The following NLRP4 variants were observed in gnomAD, a reference collection of about 807,000 sequenced individuals.
NLRP4 encodes the protein NLR family pyrin domain containing 4, also known as NACHT, LRR and PYD domains-containing protein 4.
In NLRP4, 44 loss-of-function variants were observed where a neutral mutation model predicts 84.7. That is an observed-to-expected ratio of 0.52 (90% CI 0.41 to 0.67). The LOEUF is 0.67. Among genes scored for constraint, NLRP4 ranks in the 30% least tolerant of loss-of-function variants. The pLI is 0.00. For synonymous variants in NLRP4, 544 were observed against 476.4 expected (o/e 1.14, Z -1.85); for missense variants, 1,260 against 1,219.4 (o/e 1.03, Z -0.50).
intron 1 of NLRP4, among the ~76,000 whole-genome samples, chr19:55,844,774 C>T (rs973093176): frequency 6.6e-6 from 1 of 152,136 alleles, no homozygotes; most frequent in African/African-American, 2.4e-5. Flanking sequence ...TTTTCAAAAA[C>T]TTCATACTTC....
chr19:55,853,668 C>T (rs531326218), intron 2 of NLRP4, among the ~76,000 whole-genome samples: 1 of 152,230 alleles, frequency 6.6e-6, no homozygotes, highest in South Asian at 2.1e-4. Context: ...CCTTGGCCTC[C>T]CAAAGTGCTG....
At chr19:55,861,319 T>G in intron 3 of NLRP4, 67 bp from the exon 4 acceptor site, 1 of 1,345,190 alleles carries the variant, frequency 7.4e-7, no homozygotes. Context: ...GCGTAGTGCG[T>G]ATATGTGTTA....
chr19:55,851,918 C>G, intron 1 of NLRP4, 98 bp from the exon 2 acceptor site: 1 of 588,912 alleles, frequency 1.7e-6, no homozygotes, highest in Non-Finnish European at 2.9e-6. Flanking sequence ...AACTTTCCGC[C>G]TTCATTGCCA....
In NLRP4 at chr19:55,858,746, C is replaced by T. The variant is rs1984580550; in HGVS notation, c.1353C>T (p.Leu451=). The T allele has an allele frequency of 6.2e-7, 1 of 1,613,990 alleles. No homozygotes were observed. Among genetic ancestry groups the T allele is most frequent in the Non-Finnish European group, 8.5e-7 (1 of 1,179,978 alleles). Residue 451 remains leucine (L), a synonymous_variant, in exon 3 of 10, where the codon CTC becomes CTT. Coordinates refer to ENST00000301295, the MANE Select transcript of NLRP4 (RefSeq NM_134444.5). This position sits in a 1 kb window ranked among gnomAD's most constrained non-coding sequence, Gnocchi z 4.2. The stretch of plus-strand genomic sequence containing the variant: ...AGCGTGAGAGCTCCTACGTGTTCCT[C>T]CACGTGTGTATCCAGGAGTTCTGTG... ...YGERESSYVF[L]HVCIQEFCAA...
At chr19:55,849,898 CG>C in intron 1 of NLRP4, among the ~76,000 whole-genome samples, 1 of 116,518 alleles carries the variant, frequency 8.6e-6, no homozygotes, top group Admixed American at 9.3e-5. Context: ...CCGTGGCCGG[CG>C]GTGTAATTTC....
chr19:55,858,731 C>T lies in NLRP4; in HGVS notation c.1338C>T (p.Ser446=), dbSNP rs781404358. Reference sequence around the variant, plus strand: ...TTCTGAAGTACGGGGAGCGTGAGAGCTCCTACGTGTTCCTCCACGTGTGTA... The same window carrying T: ...TTCTGAAGTACGGGGAGCGTGAGAGTTCCTACGTGTTCCTCCACGTGTGTA... ...KILLKYGERE[S]SYVFLHVCIQ... Residue 446 remains serine (S), a synonymous_variant, in exon 3 of 10, where the codon AGC becomes AGT. Coordinates refer to ENST00000301295, the MANE Select transcript of NLRP4 (RefSeq NM_134444.5). The surrounding 1 kb of genome is among the most constrained non-coding windows in gnomAD (Gnocchi z 4.2). 6 of 1,613,996 alleles carry T rather than the reference C, an allele frequency of 3.7e-6. No homozygotes were observed. Among genetic ancestry groups the T allele is most frequent in the Non-Finnish European group, 5.1e-6 (6 of 1,180,002 alleles).
In NLRP4 at chr19:55,858,159, C is replaced by T. The variant is rs1600229972; in HGVS notation, c.766C>T (p.Pro256Ser). The T allele has an allele frequency of 6.2e-7, 1 of 1,614,112 alleles. No individual in the cohort carries two copies. Among genetic ancestry groups the T allele is most frequent in the South Asian group, 1.1e-5 (1 of 91,072 alleles). The change falls in exon 3 of 10, where the codon CCG becomes TCG. Residue 256 changes from proline (P) to serine (S), a missense_variant. Pro to Ser is a moderately conservative substitution (Grantham distance 74). Coordinates refer to ENST00000301295, the MANE Select transcript of NLRP4 (RefSeq NM_134444.5). The surrounding 1 kb of genome is among the most constrained non-coding windows in gnomAD (Gnocchi z 4.2). The stretch of plus-strand genomic sequence containing the variant: ...GTGTGGTGACTTGATGGAGAAACGG[C>T]CGGTGCAGGTGCTTCTGAGCAGTTT... ...DLCGDLMEKR[P>S]VQVLLSSLLR...
Position 55,852,140 on chromosome 19 carries a change from G to GGA in NLRP4, c.62_63dup (p.Glu22ArgfsTer13), listed in dbSNP as rs1308441309. 6.2e-7 allele frequency: 1 copy of GGA among 1,607,470 alleles called. No homozygotes were observed. Among genetic ancestry groups the GGA allele is most frequent in the East Asian group, 2.2e-5 (1 of 44,784 alleles). On this transcript the variant is annotated frameshift_variant, in exon 2 of 10. Transcript: ENST00000301295. LOFTEE classifies it high-confidence loss of function. ...TGTGGTATCTGGAGGAGCTCAAAAA[G>GGA]GAGGAGTTCAGGAAATTTAAAGAAC... is the stretch of plus-strand genomic sequence containing the variant.
intron 1 of NLRP4, among the ~76,000 whole-genome samples, chr19:55,839,976 G>C (rs1983544640): frequency 1.3e-5 from 2 of 152,190 alleles, no homozygotes; most frequent in South Asian, 4.1e-4. Flanking sequence ...TTAGAAGTAT[G>C]TTTCTTAATT....
At chr19:55,866,568 A>G (rs1984963331) in intron 5 of NLRP4, among the ~76,000 whole-genome samples, 2 of 152,206 alleles carry the variant, frequency 1.3e-5, no homozygotes, top group South Asian at 4.1e-4. Flanking sequence ...TAAACCACAC[A>G]GTTGTGAGGC....
intron 1 of NLRP4, among the ~76,000 whole-genome samples, chr19:55,842,967 G>C (rs1175153196): frequency 6.6e-6 from 1 of 151,032 alleles, no homozygotes; most frequent in African/African-American, 2.4e-5. Flanking sequence ...CACCGTGTTA[G>C]CCAGGATGGT....
At chr19:55,856,482 G>A (rs182101247) in intron 2 of NLRP4, among the ~76,000 whole-genome samples, 50 of 150,744 alleles carry the variant, frequency 3.3e-4, no homozygotes, top group Non-Finnish European at 6.2e-4. Flanking sequence ...TGTGGGATGC[G>A]TAGGGCTTGG....
intron 2 of NLRP4, among the ~76,000 whole-genome samples, chr19:55,856,724 C>G (rs1169197123): frequency 1.3e-5 from 2 of 151,994 alleles, no homozygotes; most frequent in African/African-American, 2.4e-5. Context: ...CCATGTTGGC[C>G]AGGATGGTCT....
intron 7 of NLRP4, among the ~76,000 whole-genome samples, chr19:55,875,657 T>A (rs1442699034): frequency 6.6e-6 from 1 of 152,170 alleles, no homozygotes; most frequent in Admixed American, 6.5e-5. Context: ...GTTTGGTGAT[T>A]GAGTTGAACT....
In NLRP4 at chr19:55,858,129, G is replaced by T. The variant is rs746901834; in HGVS notation, c.736G>T (p.Asp246Tyr). Reference sequence around the variant, plus strand: ...GGGCGGCTTGAACGAACCCGATTCGGATCTGTGTGGTGACTTGATGGAGAA... The same window carrying T: ...GGGCGGCTTGAACGAACCCGATTCGTATCTGTGTGGTGACTTGATGGAGAA... ...LQGGLNEPDSDLCGDLMEKRP... is the reference protein window; with the variant it reads ...LQGGLNEPDSYLCGDLMEKRP... The change falls in exon 3 of 10, where the codon GAT (aspartate) becomes TAT (tyrosine). Residue 246 changes from aspartate to tyrosine, a missense_variant. Coordinates refer to ENST00000301295, the MANE Select transcript of NLRP4 (RefSeq NM_134444.5). The surrounding 1 kb of genome is among the most constrained non-coding windows in gnomAD (Gnocchi z 4.2). 23 of 1,614,048 alleles carry T rather than the reference G, an allele frequency of 1.4e-5. No individual in the cohort carries two copies. Among genetic ancestry groups the T allele is most frequent in the African/African-American group, 2.7e-5 (2 of 74,910 alleles).
chr19:55,852,259 T>A lies in NLRP4; in HGVS notation c.179T>A (p.Ile60Asn), dbSNP rs146554712. 95 of 1,608,508 alleles carry A rather than the reference T, an allele frequency of 5.9e-5. No individual in the cohort carries two copies. The highest frequency in any genetic ancestry group is 7.4e-5 in the Non-Finnish European group (87 of 1,178,222). Residue 60 changes from isoleucine to asparagine, a missense_variant, in exon 2 of 10, where the codon ATC becomes AAC. By Grantham distance (149) the Ile-to-Asn change is moderately radical. Coordinates refer to ENST00000301295, the MANE Select transcript of NLRP4 (RefSeq NM_134444.5). ...ASREELANLL[I>N]KHYEEQQAWN... ...CGGGAAGAACTTGCAAACCTCTTGA[T>A]CAAGCACTATGAAGAACAACAAGCT...
chr19:55,840,646 C>G (rs1983578125), intron 1 of NLRP4, among the ~76,000 whole-genome samples: 1 of 152,190 alleles, frequency 6.6e-6, no homozygotes, highest in Non-Finnish European at 1.5e-5. Context: ...GATCCGCCCA[C>G]CTCGGCCTCC....
In NLRP4 at chr19:55,876,999, G is replaced by T. The variant is rs760077107; in HGVS notation, c.2529G>T (p.Leu843Phe). The T allele has an allele frequency of 3.1e-6, 5 of 1,612,830 alleles. No individual in the cohort carries two copies. The highest frequency in any genetic ancestry group is 3.4e-6 in the Non-Finnish European group (4 of 1,179,144). The change falls in exon 8 of 10, where the codon TTG becomes TTT. Residue 843 changes from leucine to phenylalanine, a missense_variant. Leu to Phe is a conservative substitution (Grantham distance 22). Coordinates refer to ENST00000301295, the MANE Select transcript of NLRP4 (RefSeq NM_134444.5). The part of the protein sequence containing the change: ...HPDCCLDSLC[L>F]VKCFITAAGC... ...TGGTACCCTTACTCCTTTGCAGTTT[G>T]GTAAAATGTTTTATCACTGCTGCTG...
Position 55,852,376 on chromosome 19 carries a change from A to G in NLRP4, c.280+16A>G. On this transcript the variant is annotated intron_variant, in intron 2 of 9. Coordinates refer to ENST00000301295, the MANE Select transcript of NLRP4 (RefSeq NM_134444.5). ...GAGAGAACAGGTGAGGGAGTCTGGGAAGGGGGAAGCCTTCTTATAATGAGG... is the reference window on the plus strand; with the variant it reads ...GAGAGAACAGGTGAGGGAGTCTGGGGAGGGGGAAGCCTTCTTATAATGAGG... 9 of 1,559,280 alleles carry G rather than the reference A, an allele frequency of 5.8e-6. No individual in the cohort carries two copies. The highest frequency in any genetic ancestry group is 7.8e-6 in the Non-Finnish European group (9 of 1,153,444).
Sources: allele counts gnomAD v4.1 joint callset (sites outside exome capture counted in the v4.1 genomes callset), GRCh38; gene constraint gnomAD v4.1.1; non-coding constraint Gnocchi (gnomAD v3.1); transcripts MANE v1.5; gene names NCBI Gene and HGNC (gene_info 2026-07-23, HGNC 2026-07-21).